Variants in DICER1 observed in about 807,000 individuals in gnomAD.
The protein encoded by DICER1 is endoribonuclease Dicer.
Under a neutral mutation model 194.1 loss-of-function variants are expected in DICER1, and 43 were observed. The observed-to-expected ratio is 0.22, with a 90% CI of 0.17 to 0.29. The LOEUF is 0.29. DICER1 is among the 10% of genes least tolerant of loss of function. The pLI is 1.00. For synonymous variants in DICER1, 832 were observed against 820.5 expected (o/e 1.01, Z -0.24); for missense variants, 1,608 against 2,317.0 (o/e 0.69, Z 6.28).
intron 6 of DICER1, among the ~76,000 whole-genome samples, chr14:95,127,918 T>C (rs1048612432): frequency 6.6e-6 from 1 of 152,256 alleles, no homozygotes; most frequent in Non-Finnish European, 1.5e-5. Context: ...ACTCAATCAC[T>C]TCGCAGAAGC....
chr14:95,121,489 G>A (rs1001758995), intron 8 of DICER1, among the ~76,000 whole-genome samples: 24 of 152,056 alleles, frequency 1.6e-4, no homozygotes, highest in Admixed American at 9.2e-4. Flanking sequence ...TGAGAACTCC[G>A]TACCATTTTT....
chr14:95,116,169 G>A lies in DICER1; in HGVS notation c.1752+284C>T, dbSNP rs553055608. On this transcript the variant is annotated intron_variant, in intron 10 of 26. Coordinates refer to ENST00000343455, the MANE Select transcript of DICER1 (RefSeq NM_177438.3). ...ATAACTTAAGCAGTCAACAGTTACT[G>A]TCCATATTTGCAATGCAATTTCCCA... is the stretch of plus-strand genomic sequence containing the variant. 3.9e-5 allele frequency among the ~76,000 whole-genome samples: 6 copies of A among 152,172 alleles called. No homozygotes were observed. The East Asian group carries it at 1.2e-3, about 29-fold the overall frequency.
intron 24 of DICER1, among the ~76,000 whole-genome samples, chr14:95,092,688 G>A (rs1373729063): frequency 6.6e-6 from 1 of 152,160 alleles, no homozygotes; most frequent in Non-Finnish European, 1.5e-5. Flanking sequence ...ATCAGTTCTT[G>A]TAACTTCTAT....
At position 95,106,122 on chromosome 14, in the gene DICER1, G is replaced by A. The variant is rs878855253; in HGVS notation, c.2906C>T (p.Ala969Val). 1.2e-6 allele frequency: 2 copies of A among 1,614,058 alleles called. No individual in the cohort carries two copies. The highest frequency in any genetic ancestry group is 1.7e-6 in the Non-Finnish European group (2 of 1,179,960). Residue 969 changes from alanine to valine, a missense_variant, in exon 18 of 27, where the codon GCA becomes GTA. Coordinates refer to ENST00000343455, the MANE Select transcript of DICER1 (RefSeq NM_177438.3). The stretch of plus-strand genomic sequence containing the variant: ...GTTGTACTTTGTTTTATAATATTCT[G>A]CAAAAGTTTCATACTCAGGGGAAGG... Reference protein sequence around the residue: ...KFPSPEYETFAEYYKTKYNLD... With the variant: ...KFPSPEYETFVEYYKTKYNLD...
At chr14:95,095,437 A>G (rs1890223222) in intron 23 of DICER1, 2 of 242,774 alleles carry the variant, frequency 8.2e-6, no homozygotes, top group South Asian at 1.1e-4. Flanking sequence ...AGAACAATAA[A>G]AGGCTGTGGA....
At chr14:95,090,788 A>G in intron 26 of DICER1, 125 bp from the exon 27 acceptor site, 1 of 1,201,052 alleles carries the variant, frequency 8.3e-7, no homozygotes, top group East Asian at 2.4e-5. Flanking sequence ...CAAAGGAAAC[A>G]CGCGTTACGA....
At chr14:95,150,917 G>A (rs968863170) in intron 1 of DICER1, among the ~76,000 whole-genome samples, 6 of 152,182 alleles carry the variant, frequency 3.9e-5, no homozygotes, top group African/African-American at 1.4e-4. Context: ...AGACTGGAGT[G>A]CAGTGGCACA....
chr14:95,127,570 G>C (rs796299762), intron 6 of DICER1, among the ~76,000 whole-genome samples: 22 of 152,340 alleles, frequency 1.4e-4, no homozygotes, highest in African/African-American at 5.3e-4. Flanking sequence ...TTTAAATAAT[G>C]TTGTGAATGA....
At chr14:95,117,100 C>T (rs1457690214) in intron 9 of DICER1, among the ~76,000 whole-genome samples, 1 of 151,980 alleles carries the variant, frequency 6.6e-6, no homozygotes, top group African/African-American at 2.4e-5. Context: ...ACAAGCCAGA[C>T]CATGGTATTA....
chr14:95,120,866 G>A (rs1368467241), intron 8 of DICER1, among the ~76,000 whole-genome samples: 5 of 152,186 alleles, frequency 3.3e-5, no homozygotes, highest in Non-Finnish European at 7.3e-5. Context: ...TCCAGCAAGT[G>A]GAGATTAATC....
Position 95,092,700 on chromosome 14 carries a change from CAT to C in DICER1, c.5364+1186_5364+1187del, listed in dbSNP as rs1168758311. Among the ~76,000 whole-genome samples the C allele has an allele frequency of 6.6e-6, 1 of 152,148 alleles. No individual in the cohort carries two copies. The highest frequency in any genetic ancestry group is 1.5e-5 in the Non-Finnish European group (1 of 68,024). On this transcript the variant is annotated intron_variant, in intron 24 of 26. Transcript: ENST00000343455. ...CCAATCAGTTCTTGTAACTTCTATACATATGTTTATATAAACAAAGGGAAGGA... is the reference window on the plus strand; with the variant it reads ...CCAATCAGTTCTTGTAACTTCTATACATGTTTATATAAACAAAGGGAAGGA...
At chr14:95,129,206 T>C (rs868087649) in intron 6 of DICER1, 4 of 416,662 alleles carry the variant, frequency 9.6e-6, no homozygotes, top group Non-Finnish European at 1.8e-5. Context: ...AAGTTCCCAG[T>C]CCTTGGCAAC....
At chr14:95,133,581 T>C (rs574779980) in intron 1 of DICER1, 78 bp from the exon 2 acceptor site, 92 of 1,063,708 alleles carry the variant, frequency 8.6e-5, no homozygotes, top group Admixed American at 4.7e-4. Flanking sequence ...AAGAGAAACA[T>C]CAGAATATCA....
chr14:95,091,726 C>T (rs1206682258), intron 24 of DICER1, among the ~76,000 whole-genome samples: 1 of 152,174 alleles, frequency 6.6e-6, no homozygotes, highest in Non-Finnish European at 1.5e-5. Context: ...TACTTTAAAA[C>T]AGTTCTACTC....
At chr14:95,145,123 C>T (rs1478992428) in intron 1 of DICER1, among the ~76,000 whole-genome samples, 1 of 152,116 alleles carries the variant, frequency 6.6e-6, no homozygotes, top group Non-Finnish European at 1.5e-5. Context: ...TGGGATTTTA[C>T]ATCTTTTTCT....
chr14:95,142,716 C>T (rs530689758), intron 1 of DICER1, among the ~76,000 whole-genome samples: 7 of 152,272 alleles, frequency 4.6e-5, no homozygotes, highest in African/African-American at 1.7e-4. Flanking sequence ...AAGTAAAGTA[C>T]AAACCTGCAA....
At chr14:95,156,864 C>T (rs1333599525) in intron 1 of DICER1, among the ~76,000 whole-genome samples, 4 of 152,228 alleles carry the variant, frequency 2.6e-5, no homozygotes, top group African/African-American at 9.6e-5. Flanking sequence ...TGCTCCCGCG[C>T]CACCTTAGCG....
chr14:95,155,213 T>A (rs948615631), intron 1 of DICER1, among the ~76,000 whole-genome samples: 1 of 152,184 alleles, frequency 6.6e-6, no homozygotes, highest in Non-Finnish European at 1.5e-5. Context: ...ACCTGAAACA[T>A]CTTGGCGCAT....
chr14:95,142,282 T>C (rs951569474), intron 1 of DICER1, among the ~76,000 whole-genome samples: 2 of 152,156 alleles, frequency 1.3e-5, no homozygotes, highest in Non-Finnish European at 2.9e-5. Context: ...CAGTACTCAG[T>C]ACAGTAACAT....
Sources: allele counts gnomAD v4.1 joint callset (sites outside exome capture counted in the v4.1 genomes callset), GRCh38; gene constraint gnomAD v4.1.1; transcripts MANE v1.5; gene names NCBI Gene and HGNC (gene_info 2026-07-23, HGNC 2026-07-21).